MAGI1: variants seen among roughly 807,000 people sequenced by gnomAD.
The protein encoded by MAGI1 is membrane associated guanylate kinase, WW and PDZ domain containing 1.
In MAGI1, 58 loss-of-function variants were observed where a neutral mutation model predicts 139.9. That is an observed-to-expected ratio of 0.41 (90% CI 0.34 to 0.52). The LOEUF is 0.52. MAGI1 is among the 20% of genes least tolerant of loss of function. The pLI is 0.12. For missense variants in MAGI1, 1,874 were observed against 1,901.6 expected (o/e 0.99, Z 0.27); for synonymous variants, 812 against 737.9 (o/e 1.10, Z -1.63).
intron 2 of MAGI1, among the ~76,000 whole-genome samples, chr3:65,585,996 C>A (rs1052033523): frequency 2.6e-5 from 4 of 152,038 alleles, no homozygotes; most frequent in Non-Finnish European, 4.4e-5. Context: ...TCAGCGGAGC[C>A]CAGGAGTTCG....
intron 1 of MAGI1, among the ~76,000 whole-genome samples, chr3:65,743,429 C>G (rs1023687270): frequency 6.6e-6 from 1 of 152,066 alleles, no homozygotes; most frequent in Non-Finnish European, 1.5e-5. Flanking sequence ...ATATCTAGGC[C>G]GGGCGTGGTG....
chr3:65,871,818 T>A (rs2059948458), intron 1 of MAGI1, among the ~76,000 whole-genome samples: 1 of 152,206 alleles, frequency 6.6e-6, no homozygotes, highest in Admixed American at 6.5e-5. Context: ...TTTCCAACTT[T>A]CCTTTCTCCC....
At chr3:65,491,596 C>A (rs1478360374) in intron 3 of MAGI1, among the ~76,000 whole-genome samples, 1 of 152,058 alleles carries the variant, frequency 6.6e-6, no homozygotes, top group African/African-American at 2.4e-5. Context: ...TCTCTGCTAA[C>A]CAAAGAGGAG....
intron 1 of MAGI1, among the ~76,000 whole-genome samples, chr3:65,780,631 A>C (rs2038854610): frequency 6.6e-6 from 1 of 152,198 alleles, no homozygotes. Flanking sequence ...ATTTTTGAAA[A>C]AAAATTTTAA....
intron 2 of MAGI1, among the ~76,000 whole-genome samples, chr3:65,588,626 T>C (rs771102991): frequency 2.3e-4 from 35 of 152,096 alleles, no homozygotes; most frequent in Admixed American, 3.9e-4. Flanking sequence ...AGAAATAACA[T>C]CTCTGAGTTC....
At chr3:65,760,626 T>G (rs2036941031) in intron 1 of MAGI1, among the ~76,000 whole-genome samples, 1 of 152,130 alleles carries the variant, frequency 6.6e-6, no homozygotes, top group Admixed American at 6.5e-5. Context: ...CAGTCTGGTC[T>G]CAAACTCCTA....
intron 1 of MAGI1, among the ~76,000 whole-genome samples, chr3:65,645,712 A>G (rs1258763859): frequency 6.6e-6 from 1 of 152,112 alleles, no homozygotes; most frequent in Non-Finnish European, 1.5e-5. Flanking sequence ...GAGTACATGG[A>G]GGAAATATTT....
intron 13 of MAGI1, 44 bp downstream of exon 13, chr3:65,401,395 C>CCCAA: frequency 1.5e-5 from 9 of 592,268 alleles, no homozygotes; most frequent in East Asian, 4.9e-5. Flanking sequence ...CCCCCACCAT[C>CCCAA]CACCCCAGCC....
At chr3:65,959,798 C>CTCT (rs1466528000) in intron 1 of MAGI1, among the ~76,000 whole-genome samples, 984 of 60,514 alleles carry the variant, frequency 0.016, 42 homozygotes, top group Non-Finnish European at 0.024. Flanking sequence ...TAAATTCTCT[C>CTCT]TTTTTTTTTT....
intron 1 of MAGI1, among the ~76,000 whole-genome samples, chr3:65,653,173 T>C (rs1206757071): frequency 6.6e-6 from 1 of 152,162 alleles, no homozygotes; most frequent in Non-Finnish European, 1.5e-5. Flanking sequence ...AAAGTCACCT[T>C]TGACTCCCTC....
At chr3:65,981,771 T>C (rs1453358457) in intron 1 of MAGI1, among the ~76,000 whole-genome samples, 1 of 152,160 alleles carries the variant, frequency 6.6e-6, no homozygotes, top group Non-Finnish European at 1.5e-5. Flanking sequence ...TCTTATTTTT[T>C]CCTTTTGCCT....
intron 12 of MAGI1, among the ~76,000 whole-genome samples, chr3:65,404,885 C>G (rs547013812): frequency 3.3e-4 from 50 of 152,210 alleles, no homozygotes; most frequent in Non-Finnish European, 5.3e-4. Context: ...CTTCCCTAGA[C>G]AAGCAAACAC....
chr3:65,573,669 A>G (rs1000316146), intron 2 of MAGI1, among the ~76,000 whole-genome samples: 69 of 152,252 alleles, frequency 4.5e-4, no homozygotes, highest in Non-Finnish European at 9.9e-4. Flanking sequence ...TTTTTTCCCT[A>G]AAATTGAGAA....
chr3:65,452,056 G>C (rs1468094039), intron 6 of MAGI1, among the ~76,000 whole-genome samples: 1 of 152,064 alleles, frequency 6.6e-6, no homozygotes, highest in Non-Finnish European at 1.5e-5. Flanking sequence ...TATCTCCCAA[G>C]CATGCAAAAT....
intron 2 of MAGI1, among the ~76,000 whole-genome samples, chr3:65,565,475 A>T (rs1236793941): frequency 6.6e-6 from 1 of 152,176 alleles, no homozygotes; most frequent in Non-Finnish European, 1.5e-5. Context: ...TGTTAAAGTC[A>T]GTGTTTTGAG....
At chr3:65,750,446 G>C (rs2036053526) in intron 1 of MAGI1, among the ~76,000 whole-genome samples, 1 of 152,272 alleles carries the variant, frequency 6.6e-6, no homozygotes, top group South Asian at 2.1e-4. Context: ...ATGAACTGTA[G>C]AATGAGTTCA....
intron 1 of MAGI1, among the ~76,000 whole-genome samples, chr3:65,715,711 G>A (rs554235285): frequency 7.2e-5 from 11 of 152,250 alleles, no homozygotes; most frequent in South Asian, 4.2e-4. Flanking sequence ...TCAGGCACTC[G>A]CCATGCTGTG....
intron 2 of MAGI1, among the ~76,000 whole-genome samples, chr3:65,536,216 C>A (rs566308014): frequency 1.2e-4 from 19 of 152,270 alleles, no homozygotes; most frequent in African/African-American, 4.6e-4. Flanking sequence ...AATCTTATCA[C>A]CCCTACTAAG....
chr3:65,803,737 C>A (rs1237189119), intron 1 of MAGI1, among the ~76,000 whole-genome samples: 5 of 152,092 alleles, frequency 3.3e-5, no homozygotes, highest in Admixed American at 3.3e-4. Flanking sequence ...GTCTGTTGTT[C>A]CCCTCTCTGT....
Sources: allele counts gnomAD v4.1 joint callset (sites outside exome capture counted in the v4.1 genomes callset), GRCh38; gene constraint gnomAD v4.1.1; transcripts MANE v1.5; gene names NCBI Gene and HGNC (gene_info 2026-07-23, HGNC 2026-07-21).